CTNND2: variants seen among roughly 807,000 people sequenced by gnomAD.
CTNND2 encodes catenin delta-2.
In CTNND2, 22 loss-of-function variants were observed where a neutral mutation model predicts 144.4. That is an observed-to-expected ratio of 0.15 (90% CI 0.11 to 0.22). The LOEUF is 0.22. CTNND2 is among the 10% of genes least tolerant of loss of function. CTNND2 has a pLI of 1.00. For missense variants in CTNND2, 1,353 were observed against 1,618.8 expected (o/e 0.84, Z 2.82); for synonymous variants, 751 against 695.6 (o/e 1.08, Z -1.25).
intron 2 of CTNND2, among the ~76,000 whole-genome samples, chr5:11,599,886 C>T (rs1779695769): frequency 6.6e-6 from 1 of 152,136 alleles, no homozygotes; most frequent in African/African-American, 2.4e-5. Context: ...TTCTGCTCTT[C>T]TGTCGGCATT....
At chr5:11,448,892 G>A (rs61760350) in intron 3 of CTNND2, among the ~76,000 whole-genome samples, 54 of 151,904 alleles carry the variant, frequency 3.6e-4, no homozygotes, top group African/African-American at 1.3e-3. Context: ...TTGTAGAGAT[G>A]GGGTTTCACT....
At chr5:11,887,467 A>G (rs1736640421) in intron 1 of CTNND2, among the ~76,000 whole-genome samples, 1 of 151,980 alleles carries the variant, frequency 6.6e-6, no homozygotes, top group Non-Finnish European at 1.5e-5. Flanking sequence ...AAACAAAAAC[A>G]TCGTTCCCTT....
Position 11,855,724 on chromosome 5 carries a change from A to G in CTNND2, c.37+48093T>C, listed in dbSNP as rs184001289. Among the ~76,000 whole-genome samples, 24 of 152,324 alleles carry G rather than the reference A, an allele frequency of 1.6e-4. No homozygotes were observed. In the East Asian group the frequency reaches 4.4e-3, roughly 28 times the overall value. On this transcript the variant is annotated intron_variant, in intron 1 of 21. Transcript: ENST00000304623. ...TTCCCTAAATGAGGTTCTGATGCAG[A>G]GGCATTCACATCACCTGGCAACCTC...
intron 9 of CTNND2, among the ~76,000 whole-genome samples, chr5:11,338,378 A>T (rs984521102): frequency 6.6e-6 from 1 of 151,922 alleles, no homozygotes; most frequent in Admixed American, 6.5e-5. Flanking sequence ...ATGGGTTGTC[A>T]GCTCTTGGGC....
At chr5:11,487,886 G>C (rs1217827102) in intron 3 of CTNND2, among the ~76,000 whole-genome samples, 1 of 151,900 alleles carries the variant, frequency 6.6e-6, no homozygotes, top group Non-Finnish European at 1.5e-5. Flanking sequence ...CTTTTTTTTG[G>C]TCCCAGAGAT....
intron 3 of CTNND2, among the ~76,000 whole-genome samples, chr5:11,504,027 AAAGAT>A (rs1388663135): frequency 6.6e-5 from 10 of 152,258 alleles, no homozygotes; most frequent in Non-Finnish European, 1.3e-4. Context: ...CCTCATTCTG[AAAGAT>A]AATTATCAAC....
intron 12 of CTNND2, among the ~76,000 whole-genome samples, chr5:11,133,128 G>T (rs995083417): frequency 1.3e-5 from 2 of 152,068 alleles, no homozygotes; most frequent in African/African-American, 4.8e-5. Context: ...CGCATATGGA[G>T]GTAATGGGAG....
intron 7 of CTNND2, among the ~76,000 whole-genome samples, chr5:11,383,842 T>C (rs909741832): frequency 1.3e-5 from 2 of 152,210 alleles, no homozygotes; most frequent in African/African-American, 4.8e-5. Context: ...CTTTCAATCA[T>C]GGTGTCTTGT....
At chr5:10,993,864 T>A (rs1339458279) in intron 18 of CTNND2, among the ~76,000 whole-genome samples, 1 of 152,138 alleles carries the variant, frequency 6.6e-6, no homozygotes, top group East Asian at 1.9e-4. Context: ...TCTTTATTAA[T>A]TCATCTATTT....
chr5:11,623,809 T>TAC (rs1491091676), intron 2 of CTNND2, among the ~76,000 whole-genome samples: 2 of 5,604 alleles, frequency 3.6e-4, no homozygotes, highest in East Asian at 0.011. Context: ...TGTGTGTATG[T>TAC]ATATATATAT....
At chr5:11,757,026 C>A (rs904217527) in intron 1 of CTNND2, among the ~76,000 whole-genome samples, 1 of 151,508 alleles carries the variant, frequency 6.6e-6, no homozygotes, top group African/African-American at 2.4e-5. Flanking sequence ...TTCAAATATT[C>A]AAACAACTTA....
At chr5:11,816,557 C>G (rs945502294) in intron 1 of CTNND2, among the ~76,000 whole-genome samples, 4 of 145,886 alleles carry the variant, frequency 2.7e-5, no homozygotes, top group African/African-American at 2.6e-5. Flanking sequence ...AAGGCCCTCT[C>G]CCCTTGCTCC....
intron 3 of CTNND2, among the ~76,000 whole-genome samples, chr5:11,423,577 A>G (rs918466799): frequency 6.6e-6 from 1 of 152,208 alleles, no homozygotes; most frequent in Non-Finnish European, 1.5e-5. Context: ...GAGGGGGTCA[A>G]GCTTATGTTT....
chr5:11,394,355 A>C (rs1759885443), intron 6 of CTNND2, among the ~76,000 whole-genome samples: 1 of 152,208 alleles, frequency 6.6e-6, no homozygotes, highest in Non-Finnish European at 1.5e-5. Flanking sequence ...TCTTGAATGC[A>C]TCAAAGAATA....
chr5:11,380,191 G>A lies in CTNND2; in HGVS notation c.1177+4474C>T, dbSNP rs72732910. ...AACTGCCCATTCCTGTGGCTGTTCC[G>A]AAACTAAGTCTCTTGAAACCAGGGG... On this transcript the variant is annotated intron_variant, in intron 7 of 21. Transcript: ENST00000304623. Among the ~76,000 whole-genome samples, 413 of 152,228 alleles carry A rather than the reference G, an allele frequency of 2.7e-3. 3 individuals are homozygous for A. Among genetic ancestry groups the A allele is most frequent in the Non-Finnish European group, 4.8e-3 (328 of 68,010 alleles).
At chr5:11,443,844 A>T (rs1267751394) in intron 3 of CTNND2, among the ~76,000 whole-genome samples, 1 of 151,104 alleles carries the variant, frequency 6.6e-6, no homozygotes, top group African/African-American at 2.5e-5. Flanking sequence ...GCAAGATGGC[A>T]TTATAATATC....
In CTNND2 at chr5:11,111,186, T is replaced by A. The variant is rs61754598; in HGVS notation, c.2278-143A>T. ...TGCCAGCTTCTGAAAGCTCCCCTGA[T>A]GGCCACAGTGGAAAACAATTGGAGA... On this transcript the variant is annotated intron_variant, in intron 13 of 21. Coordinates refer to ENST00000304623, the MANE Select transcript of CTNND2 (RefSeq NM_001332.4). The A allele has an allele frequency of 0.011, 8,975 of 793,714 alleles. 88 individuals are homozygous for A. The highest frequency in any genetic ancestry group is 0.044 in the Middle Eastern group (115 of 2,616). The allele number at this position is 793,714 out of a possible 1,614,324, so 49.2% of individuals were successfully genotyped here. A position where few individuals can be genotyped will look rare whatever the true frequency, so the allele number is the denominator to read the frequency against.
intron 9 of CTNND2, among the ~76,000 whole-genome samples, chr5:11,301,581 T>G (rs546302805): frequency 1.3e-5 from 2 of 152,270 alleles, no homozygotes; most frequent in South Asian, 4.2e-4. Context: ...CCCCAAAATA[T>G]CAAACATTAT....
intron 1 of CTNND2, among the ~76,000 whole-genome samples, chr5:11,796,235 G>A (rs4504385): frequency 0.88 from 134,032 of 152,192 alleles, 60,987 homozygotes; most frequent in South Asian, 0.99. Context: ...CCCCCTCACC[G>A]TGCAATGTCA....
Sources: gnomAD v4.1 joint callset for allele counts (sites outside exome capture counted in the v4.1 genomes callset) on GRCh38, gnomAD v4.1.1 for gene constraint, MANE v1.5 for transcripts, NCBI Gene and HGNC (gene_info 2026-07-23, HGNC 2026-07-21) for gene names.